PCBP3: variants seen among roughly 807,000 people sequenced by gnomAD.
The protein encoded by PCBP3 is poly(rC) binding protein 3.
PCBP3 carries 25 observed loss-of-function variants against 52.7 expected under a neutral mutation model. The observed-to-expected ratio is 0.47, with a 90% CI of 0.35 to 0.66. The LOEUF is 0.66. Ranked by LOEUF, PCBP3 falls within the 30% of genes least tolerant of loss-of-function variation. The pLI, the probability that PCBP3 is intolerant of heterozygous loss-of-function variation, is 0.01. For missense variants in PCBP3, 391 were observed against 490.3 expected, an observed-to-expected ratio of 0.80 and a Z score of 1.91; for synonymous variants, 162 against 183.0, an observed-to-expected ratio of 0.89 and a Z score of 0.93.
rs186201749 is a variant in PCBP3 at position 45,805,935 on chromosome 21, C to T, written c.-125-44026C>T. Among the ~76,000 whole-genome samples, 16 of 152,314 alleles carry T rather than the reference C, an allele frequency of 1.1e-4. No individual in the cohort carries two copies. The East Asian group carries it at 2.9e-3, about 28-fold the overall frequency. ...GAGGGGAAGTCCAGGCCTCTCCACC[C>T]AGGAGTCTGTGAGGTTCCCATTGCA... On this transcript the variant is annotated intron_variant, in intron 4 of 17. Coordinates refer to ENST00000681687, the MANE Select transcript of PCBP3 (RefSeq NM_001384156.1). The surrounding 1 kb of genome is among the most constrained non-coding windows in gnomAD (Gnocchi z 4.6).
chr21:45,919,870 T>TGGCAGGGGTGTGGGG (rs1176865861), intron 13 of PCBP3, among the ~76,000 whole-genome samples: 10 of 152,114 alleles, frequency 6.6e-5, no homozygotes, highest in African/African-American at 2.2e-4. Context: ...TGCATGTGTG[T>TGGCAGGGGTGTGGGG]GGCAGGGGTG....
intron 2 of PCBP3, among the ~76,000 whole-genome samples, chr21:45,669,341 TA>T (rs1009357024): frequency 1.3e-5 from 2 of 151,946 alleles, no homozygotes; most frequent in Non-Finnish European, 2.9e-5. Context: ...AGTTTTAGAT[TA>T]AAAAAAATTG....
intron 4 of PCBP3, among the ~76,000 whole-genome samples, chr21:45,823,524 TC>T (rs1027141705): frequency 6.6e-5 from 10 of 152,186 alleles, no homozygotes; most frequent in African/African-American, 2.4e-4. Context: ...TGTCCGTTCT[TC>T]TGAGAGTTTT....
intron 2 of PCBP3, among the ~76,000 whole-genome samples, chr21:45,683,375 CT>C (rs1479601727): frequency 2.6e-5 from 4 of 152,174 alleles, no homozygotes; most frequent in Non-Finnish European, 5.9e-5. Context: ...ATGGTGATGC[CT>C]TTCCTTCCTT....
intron 1 of PCBP3, among the ~76,000 whole-genome samples, chr21:45,660,728 G>A (rs1297762557): frequency 6.6e-6 from 1 of 151,850 alleles, no homozygotes; most frequent in East Asian, 1.9e-4. Flanking sequence ...TTCTTCCTTT[G>A]TGCTGTTATT....
At position 45,805,306 on chromosome 21, in the gene PCBP3, C is replaced by T. The variant is rs1484509354; in HGVS notation, c.-125-44655C>T. On this transcript the variant is annotated intron_variant, in intron 4 of 17. Transcript: ENST00000681687. This position sits in a 1 kb window ranked among gnomAD's most constrained non-coding sequence, Gnocchi z 4.6. ...TTTGCTTGGGGGAGCTGAAAACCCC[C>T]CAGGTGGTGTCTGGGGGGGAAAGTA... Among the ~76,000 whole-genome samples the T allele has an allele frequency of 6.6e-6, 1 of 152,046 alleles. No individual in the cohort carries two copies. Among genetic ancestry groups the T allele is most frequent in the Non-Finnish European group, 1.5e-5 (1 of 67,990 alleles).
intron 5 of PCBP3, among the ~76,000 whole-genome samples, chr21:45,864,905 A>T (rs1344341500): frequency 6.6e-6 from 1 of 152,228 alleles, no homozygotes; most frequent in Non-Finnish European, 1.5e-5. Flanking sequence ...CCTTGATAAC[A>T]AAAAGAAGCT....
chr21:45,674,487 CCTT>C (rs1397894268), intron 2 of PCBP3, among the ~76,000 whole-genome samples: 3 of 152,180 alleles, frequency 2.0e-5, no homozygotes, highest in Non-Finnish European at 2.9e-5. Flanking sequence ...TTCTCTGTCT[CCTT>C]CTTTGGTTTC....
At position 45,816,709 on chromosome 21, in the gene PCBP3, C is replaced by G. The variant is rs56789580; in HGVS notation, c.-125-33252C>G. Among the ~76,000 whole-genome samples the G allele has an allele frequency of 4.7e-3, 710 of 150,154 alleles. 7 individuals carry two copies. The highest frequency in any genetic ancestry group is 0.016 in the African/African-American group (650 of 40,690). ...CACAGTGCCTGCTTCTTGACACCTC[C>G]TGAGAGACCTGACTGAGGCTGTTCT... is the stretch of plus-strand genomic sequence containing the variant. On this transcript the variant is annotated intron_variant, in intron 4 of 17. Transcript: ENST00000681687.
chr21:45,820,657 A>G (rs1435055369), intron 4 of PCBP3, among the ~76,000 whole-genome samples: 1 of 152,174 alleles, frequency 6.6e-6, no homozygotes, highest in Non-Finnish European at 1.5e-5. Flanking sequence ...CCCCTGGGTT[A>G]GAGCCAAGCC....
intron 2 of PCBP3, among the ~76,000 whole-genome samples, chr21:45,721,428 AAAAC>A (rs1415306346): frequency 3.3e-5 from 5 of 151,752 alleles, no homozygotes; most frequent in African/African-American, 1.2e-4. Flanking sequence ...AAAAAAAAAA[AAAAC>A]AACTCTTGGC....
At chr21:45,833,832 C>T (rs188576414) in intron 4 of PCBP3, among the ~76,000 whole-genome samples, 26 of 152,328 alleles carry the variant, frequency 1.7e-4, no homozygotes, top group Non-Finnish European at 3.2e-4. Flanking sequence ...AGCTTGCAGT[C>T]CTGCCTGCCT....
chr21:45,898,790 G>A lies in PCBP3; in HGVS notation c.166-809G>A, dbSNP rs536862815. 7.1e-5 allele frequency among the ~76,000 whole-genome samples: 6 copies of A among 84,118 alleles called. 1 individual carries two copies. The highest frequency in any genetic ancestry group is 2.2e-4 in the Admixed American group (2 of 8,940). The allele number at this position is 84,118 out of a possible 152,430, so 55.2% of individuals were successfully genotyped here. A position where few individuals can be genotyped will look rare whatever the true frequency, so the allele number is the denominator to read the frequency against. On this transcript the variant is annotated intron_variant, in intron 6 of 17. Coordinates refer to ENST00000681687, the MANE Select transcript of PCBP3 (RefSeq NM_001384156.1). ...GCCTCCACGGGCCCCTCTGCATGCC[G>A]TCCTCACGGCCTCCCTCTCTCTCCA...
intron 4 of PCBP3, among the ~76,000 whole-genome samples, chr21:45,790,072 G>A (rs897166708): frequency 2.6e-5 from 4 of 152,222 alleles, no homozygotes; most frequent in African/African-American, 4.8e-5. Flanking sequence ...CCCGGGAGGC[G>A]GAGCTTGCAG....
chr21:45,739,005 G>T (rs11908836), intron 3 of PCBP3, among the ~76,000 whole-genome samples: 3 of 71,026 alleles, frequency 4.2e-5, no homozygotes, highest in Non-Finnish European at 5.7e-5. Context: ...TCCTGTCCAC[G>T]GTCCTCTGGG....
At chr21:45,881,468 AT>A (rs2095403869) in intron 5 of PCBP3, among the ~76,000 whole-genome samples, 1 of 152,126 alleles carries the variant, frequency 6.6e-6, no homozygotes, top group Admixed American at 6.5e-5. Context: ...TTTTTTCAAC[AT>A]TTTGTAGAGA....
chr21:45,907,377 G>C (rs1486486000), intron 9 of PCBP3, among the ~76,000 whole-genome samples: 1 of 152,172 alleles, frequency 6.6e-6, no homozygotes, highest in Admixed American at 6.5e-5. Flanking sequence ...CTCATGGGAC[G>C]AAAGGGCTGC....
In PCBP3 at chr21:45,805,321, G is replaced by C. The variant is rs575525656; in HGVS notation, c.-125-44640G>C. ...TGAAAACCCCCCAGGTGGTGTCTGG[G>C]GGGGAAAGTAATTGGAAGATTATGG... On this transcript the variant is annotated intron_variant, in intron 4 of 17. Transcript: ENST00000681687. This position sits in a 1 kb window ranked among gnomAD's most constrained non-coding sequence, Gnocchi z 4.6. Among the ~76,000 whole-genome samples the C allele has an allele frequency of 6.6e-6, 1 of 152,202 alleles. No homozygotes were observed. Among genetic ancestry groups the C allele is most frequent in the Admixed American group, 6.5e-5 (1 of 15,300 alleles).
intron 2 of PCBP3, among the ~76,000 whole-genome samples, chr21:45,685,870 G>C (rs76414329): frequency 0.024 from 3,363 of 141,130 alleles, 112 homozygotes; most frequent in East Asian, 0.12. Flanking sequence ...GGCAAGACAA[G>C]AAACAAAAAC....
Sources: gnomAD v4.1 joint callset for allele counts (sites outside exome capture counted in the v4.1 genomes callset) on GRCh38, gnomAD v4.1.1 for gene constraint, Gnocchi (gnomAD v3.1) non-coding constraint, MANE v1.5 for transcripts, NCBI Gene and HGNC (gene_info 2026-07-23, HGNC 2026-07-21) for gene names.